Variants in CNTN1 observed in about 807,000 individuals in gnomAD.
CNTN1 encodes contactin 1, also known as contactin-1.
A neutral mutation model predicts 126.4 loss-of-function variants in CNTN1; 38 were observed. The ratio of observed to expected loss-of-function variants is 0.30; its 90% CI spans 0.23 to 0.39. CNTN1 has a LOEUF of 0.39. Ranked by LOEUF, CNTN1 falls within the 10% of genes least tolerant of loss-of-function variation. The pLI, the probability that CNTN1 is intolerant of heterozygous loss-of-function variation, is 1.00. For synonymous variants in CNTN1, 413 were observed against 422.6 expected (o/e 0.98, Z 0.28); for missense variants, 1,009 against 1,248.4 (o/e 0.81, Z 2.89).
chr12:40,863,267 T>G (rs1943176916), intron 1 of CNTN1, among the ~76,000 whole-genome samples: 1 of 152,216 alleles, frequency 6.6e-6, no homozygotes, highest in African/African-American at 2.4e-5. Flanking sequence ...AAAGCTAAAA[T>G]TGTTGGGATT....
At chr12:40,937,798 A>G in intron 11 of CNTN1, 111 bp downstream of exon 11, 2 of 765,052 alleles carry the variant, frequency 2.6e-6, no homozygotes, top group South Asian at 2.8e-5. Context: ...GGTGTACAAC[A>G]TATGTTGGTT....
intron 3 of CNTN1, among the ~76,000 whole-genome samples, chr12:40,916,415 C>A (rs1470637347): frequency 2.0e-5 from 3 of 152,154 alleles, no homozygotes; most frequent in East Asian, 3.9e-4. Flanking sequence ...TGATTTTTAT[C>A]AGAGATAAGC....
Position 40,899,883 on chromosome 12 carries a change from G to A in CNTN1, c.-76-8474G>A, listed in dbSNP as rs149570243. The stretch of plus-strand genomic sequence containing the variant: ...GAAAAATATGTTAATTATTAAATAT[G>A]CAAAATACTGGTTTTTTAAATAATC... On this transcript the variant is annotated intron_variant, in intron 1 of 23. Coordinates refer to ENST00000551295, the MANE Select transcript of CNTN1 (RefSeq NM_001843.4). 6.5e-4 allele frequency among the ~76,000 whole-genome samples: 99 copies of A among 152,206 alleles called. 1 individual carries two copies. The highest frequency in any genetic ancestry group is 2.3e-3 in the African/African-American group (94 of 41,540).
intron 23 of CNTN1, among the ~76,000 whole-genome samples, chr12:41,045,703 T>C (rs997773590): frequency 1.3e-5 from 2 of 152,130 alleles, no homozygotes; most frequent in Non-Finnish European, 2.9e-5. Flanking sequence ...GGCCTCTTGG[T>C]AGATTCTTCA....
chr12:40,896,982 A>G (rs1369509478), intron 1 of CNTN1, among the ~76,000 whole-genome samples: 2 of 152,236 alleles, frequency 1.3e-5, no homozygotes, highest in Non-Finnish European at 2.9e-5. Context: ...AAATTGAGTT[A>G]ATACTTAGGC....
At chr12:40,977,716 G>C (rs377295088) in intron 15 of CNTN1, among the ~76,000 whole-genome samples, 1 of 152,088 alleles carries the variant, frequency 6.6e-6, no homozygotes, top group African/African-American at 2.4e-5. Context: ...TATGTACCAG[G>C]CTGAGAACTA....
intron 1 of CNTN1, among the ~76,000 whole-genome samples, chr12:40,711,918 CTATGTTTT>C (rs1941923670): frequency 1.3e-5 from 2 of 152,040 alleles, no homozygotes; most frequent in Non-Finnish European, 2.9e-5. Flanking sequence ...GCTATGTTTG[CTATGTTTT>C]CCAAGCTGTT....
At chr12:40,854,540 C>A (rs1053033936) in intron 1 of CNTN1, among the ~76,000 whole-genome samples, 2 of 151,834 alleles carry the variant, frequency 1.3e-5, no homozygotes, top group African/African-American at 4.8e-5. Flanking sequence ...CAGAAACTAG[C>A]TGGAGAAATA....
At chr12:40,996,900 C>G (rs1415518383) in intron 17 of CNTN1, among the ~76,000 whole-genome samples, 1 of 152,182 alleles carries the variant, frequency 6.6e-6, no homozygotes, top group African/African-American at 2.4e-5. Context: ...TATAACAACT[C>G]TCTAAGAGAT....
chr12:40,984,745 C>T (rs1391253256), intron 16 of CNTN1, among the ~76,000 whole-genome samples: 2 of 152,112 alleles, frequency 1.3e-5, no homozygotes, highest in African/African-American at 2.4e-5. Flanking sequence ...TTCTTTACAA[C>T]TTTGCTCCTA....
intron 1 of CNTN1, among the ~76,000 whole-genome samples, chr12:40,700,820 A>T (rs1440819169): frequency 6.6e-6 from 1 of 152,216 alleles, no homozygotes; most frequent in Non-Finnish European, 1.5e-5. Flanking sequence ...TTGCACCTCA[A>T]TTACTAACAA....
intron 1 of CNTN1, among the ~76,000 whole-genome samples, chr12:40,855,307 G>T (rs1942865230): frequency 6.6e-6 from 1 of 151,614 alleles, no homozygotes; most frequent in East Asian, 1.9e-4. Flanking sequence ...TGTAAATTTT[G>T]CCATTTTAAA....
chr12:40,937,016 C>A, intron 10 of CNTN1, 111 bp downstream of exon 10: 1 of 1,366,362 alleles, frequency 7.3e-7, no homozygotes, highest in Non-Finnish European at 1.0e-6. Context: ...GCACTTGGGC[C>A]CTGAAATATA....
chr12:41,032,676 G>C (rs1452333378), intron 23 of CNTN1, among the ~76,000 whole-genome samples: 2 of 152,202 alleles, frequency 1.3e-5, no homozygotes, highest in Non-Finnish European at 2.9e-5. Context: ...TATATGGCCA[G>C]CAATTAAGGT....
At position 40,936,900 on chromosome 12, in the gene CNTN1, T is replaced by G. The variant is rs1032176487; in HGVS notation, c.1105T>G (p.Tyr369Asp). Residue 369 changes from tyrosine (Y) to aspartate (D), a missense_variant, in exon 10 of 24, where the codon TAT (tyrosine) becomes GAT (aspartate). Coordinates refer to ENST00000551295, the MANE Select transcript of CNTN1 (RefSeq NM_001843.4). ...IPTIRWLKNGYAYHKGELRLY... is the reference protein window; with the variant it reads ...IPTIRWLKNGDAYHKGELRLY... ...TACAATCCGATGGTTGAAAAATGGA[T>G]ATGCGGTATGTATGTTCAAGTGCTT... The G allele has an allele frequency of 6.2e-7, 1 of 1,612,808 alleles. No individual in the cohort carries two copies. The highest frequency in any genetic ancestry group is 1.3e-5 in the African/African-American group (1 of 74,832).
rs764189993 is a variant in CNTN1, at chr12:41,014,298, G to A, written c.2184G>A (p.Ala728=). ...GRNRELTITW[A]PLSREYHYGN... is the part of the protein sequence containing the mutation. ...ACAGAGAGCTGACCATAACATGGGCGGTAAGTATTGATGAGTTGCACATAT... is the reference window on the plus strand; with the variant it reads ...ACAGAGAGCTGACCATAACATGGGCAGTAAGTATTGATGAGTTGCACATAT... The change falls in exon 18 of 24, where the codon GCG becomes GCA. Residue 728 remains alanine, a splice_region_variant and synonymous_variant. Coordinates refer to ENST00000551295, the MANE Select transcript of CNTN1 (RefSeq NM_001843.4). 58 of 1,613,504 alleles carry A rather than the reference G, an allele frequency of 3.6e-5. No individual in the cohort carries two copies. The highest frequency in any genetic ancestry group is 1.6e-4 in the Middle Eastern group (1 of 6,082).
At position 41,027,923 on chromosome 12, in the gene CNTN1, A is replaced by G. The variant is rs1187911529; in HGVS notation, c.2777A>G (p.Asp926Gly). The change falls in exon 22 of 24, where the codon GAT becomes GGT. Residue 926 changes from aspartate (D) to glycine (G), a missense_variant. Transcript: ENST00000551295. The stretch of plus-strand genomic sequence containing the variant: ...GGTTCACGCTATATAATCACCTGGG[A>G]TCATGTCGTTGCACTATCAAATGAA... ...RSGSRYIITWDHVVALSNEST... is the reference protein window; with the variant it reads ...RSGSRYIITWGHVVALSNEST... 2 of 1,613,680 alleles carry G rather than the reference A, an allele frequency of 1.2e-6. No individual in the cohort carries two copies. The highest frequency in any genetic ancestry group is 1.7e-6 in the Non-Finnish European group (2 of 1,179,616).
At chr12:40,793,671 C>T (rs1940304340) in intron 1 of CNTN1, among the ~76,000 whole-genome samples, 1 of 151,982 alleles carries the variant, frequency 6.6e-6, no homozygotes, top group Non-Finnish European at 1.5e-5. Flanking sequence ...TATGTGGCTT[C>T]CTCTTCCTGG....
intron 16 of CNTN1, 99 bp downstream of exon 16, chr12:40,981,166 T>G: frequency 8.8e-7 from 1 of 1,131,132 alleles, no homozygotes; most frequent in African/African-American, 1.6e-5. Context: ...ATTATCTACC[T>G]TGAAAGGCTT....
Sources: gnomAD v4.1 joint callset for allele counts (sites outside exome capture counted in the v4.1 genomes callset) on GRCh38, gnomAD v4.1.1 for gene constraint, MANE v1.5 for transcripts, NCBI Gene and HGNC (gene_info 2026-07-23, HGNC 2026-07-21) for gene names.